TMEFF2: variants seen among roughly 807,000 people sequenced by gnomAD.
TMEFF2 encodes the protein tomoregulin-2.
A neutral mutation model predicts 53.8 loss-of-function variants in TMEFF2; 28 were observed. The ratio of observed to expected loss-of-function variants is 0.52; its 90% CI spans 0.39 to 0.71. The LOEUF is 0.71. TMEFF2 is among the 30% of genes least tolerant of loss of function. TMEFF2 has a pLI of 0.00. For missense variants in TMEFF2, 353 were observed against 455.2 expected (o/e 0.78, Z 2.04); for synonymous variants, 162 against 166.3 (o/e 0.97, Z 0.20).
intron 8 of TMEFF2, among the ~76,000 whole-genome samples, chr2:191,955,175 GAGAGAGAGA>G (rs1692034767): frequency 5.1e-4 from 1 of 1,944 alleles, no homozygotes; most frequent in African/African-American, 6.2e-4. Context: ...GAGAGAGAGG[GAGAGAGAGA>G]GAGAGAGAGA....
intron 4 of TMEFF2, among the ~76,000 whole-genome samples, chr2:192,089,348 T>C (rs188951554): frequency 9.9e-5 from 15 of 152,214 alleles, no homozygotes; most frequent in Admixed American, 2.0e-4. Flanking sequence ...TTAGTCTTTT[T>C]TTCCCCCCAA....
rs764937184 is a variant in TMEFF2 at position 192,194,330 on chromosome 2, G to C, written c.172+23C>G. ...TGTTCTTCTGCGGAGTTAAAGGGTC[G>C]GGGACGGGGGTTCTGGACTTACCAG... On this transcript the variant is annotated intron_variant, in intron 1 of 9. Transcript: ENST00000272771. The surrounding 1 kb of genome is among the most constrained non-coding windows in gnomAD (Gnocchi z 4.2). 6.2e-6 allele frequency: 10 copies of C among 1,612,268 alleles called. No individual in the cohort carries two copies. In the East Asian group the frequency reaches 2.2e-4, roughly 36 times the overall value.
Position 192,053,720 on chromosome 2 carries a change from G to A in TMEFF2, c.536+3959C>T, listed in dbSNP as rs111800308. Among the ~76,000 whole-genome samples the A allele has an allele frequency of 2.7e-3, 415 of 152,266 alleles. 1 individual carries two copies. Among genetic ancestry groups the A allele is most frequent in the African/African-American group, 9.4e-3 (392 of 41,542 alleles). ...CATCCAAAATCAATAGCGTATCAAC[G>A]CTCCCTTGATTTAGTGAAGGTTCTG... On this transcript the variant is annotated intron_variant, in intron 5 of 9. Coordinates refer to ENST00000272771, the MANE Select transcript of TMEFF2 (RefSeq NM_016192.4).
At chr2:192,000,942 A>G (rs754392757) in intron 5 of TMEFF2, among the ~76,000 whole-genome samples, 2 of 152,174 alleles carry the variant, frequency 1.3e-5, no homozygotes, top group Non-Finnish European at 2.9e-5. Context: ...CTACTGGAAC[A>G]TGACATTGCT....
chr2:192,110,766 G>A (rs1322386389), intron 4 of TMEFF2, among the ~76,000 whole-genome samples: 1 of 152,166 alleles, frequency 6.6e-6, no homozygotes, highest in Non-Finnish European at 1.5e-5. Flanking sequence ...TGGTTTGGCT[G>A]TGTCCCCACC....
At chr2:192,055,469 T>G (rs915000608) in intron 5 of TMEFF2, among the ~76,000 whole-genome samples, 2 of 152,060 alleles carry the variant, frequency 1.3e-5, no homozygotes, top group Non-Finnish European at 2.9e-5. Flanking sequence ...CCCTAGGATG[T>G]TTTTTAAAAA....
At chr2:192,035,071 T>C (rs1214514708) in intron 5 of TMEFF2, 2 of 152,216 alleles carry the variant, frequency 1.3e-5, no homozygotes, top group African/African-American at 4.8e-5. Context: ...CATCCTTTCT[T>C]ACTGGGCACT....
intron 2 of TMEFF2, among the ~76,000 whole-genome samples, chr2:192,185,555 A>C (rs1251113628): frequency 2.0e-5 from 3 of 152,096 alleles, no homozygotes; most frequent in African/African-American, 7.2e-5. Context: ...CATACAAAAT[A>C]AACCAATAAT....
At chr2:192,106,887 C>T (rs1019298524) in intron 4 of TMEFF2, among the ~76,000 whole-genome samples, 1 of 151,590 alleles carries the variant, frequency 6.6e-6, no homozygotes, top group Admixed American at 6.6e-5. Context: ...GAGAAGTTTA[C>T]TGGAAATGAT....
intron 7 of TMEFF2, among the ~76,000 whole-genome samples, chr2:191,989,447 GT>G (rs922999583): frequency 1.3e-5 from 2 of 152,120 alleles, no homozygotes; most frequent in African/African-American, 4.8e-5. Flanking sequence ...GCATCAGGCT[GT>G]TTTAGCTCGA....
intron 3 of TMEFF2, among the ~76,000 whole-genome samples, chr2:192,182,850 AT>A (rs1294342027): frequency 2.0e-5 from 3 of 151,658 alleles, no homozygotes; most frequent in Non-Finnish European, 4.4e-5. Flanking sequence ...ACTATTTCTC[AT>A]TTCTTTGGTA....
At chr2:192,164,978 C>CTGGTGTGTGTGTG (rs71405100) in intron 4 of TMEFF2, among the ~76,000 whole-genome samples, 8 of 145,112 alleles carry the variant, frequency 5.5e-5, no homozygotes, top group Non-Finnish European at 1.1e-4. Flanking sequence ...TGAATAAAAA[C>CTGGTGTGTGTGTG]TGTGTGTGTG....
At chr2:192,007,045 G>A (rs576752500) in intron 5 of TMEFF2, among the ~76,000 whole-genome samples, 24 of 152,204 alleles carry the variant, frequency 1.6e-4, no homozygotes, top group Non-Finnish European at 2.5e-4. Context: ...CTTTCTGTGG[G>A]AGAAGGTTTG....
At chr2:192,099,463 G>A (rs757644597) in intron 4 of TMEFF2, among the ~76,000 whole-genome samples, 2 of 152,082 alleles carry the variant, frequency 1.3e-5, no homozygotes, top group Non-Finnish European at 2.9e-5. Flanking sequence ...TTTGCATATA[G>A]ATTTCTTGTT....
intron 2 of TMEFF2, among the ~76,000 whole-genome samples, chr2:192,189,579 C>T (rs1217099668): frequency 5.1e-5 from 2 of 38,848 alleles, no homozygotes; most frequent in Non-Finnish European, 1.2e-4. Context: ...GGAATGCACG[C>T]TTGTACCTGA....
chr2:192,128,124 TA>T (rs2105973568), intron 4 of TMEFF2, among the ~76,000 whole-genome samples: 1 of 143,860 alleles, frequency 7.0e-6, no homozygotes, highest in African/African-American at 2.6e-5. Flanking sequence ...TCATTAAACT[TA>T]GGTCCAAATA....
chr2:192,083,355 T>C (rs1688597404), intron 4 of TMEFF2, among the ~76,000 whole-genome samples: 1 of 152,170 alleles, frequency 6.6e-6, no homozygotes, highest in African/African-American at 2.4e-5. Context: ...GGAACAATTC[T>C]ACTTGTCATA....
At chr2:192,000,622 C>G (rs1188235363) in intron 5 of TMEFF2, among the ~76,000 whole-genome samples, 1 of 152,166 alleles carries the variant, frequency 6.6e-6, no homozygotes, top group Non-Finnish European at 1.5e-5. Context: ...CTGGGAATCA[C>G]TGCTTGATCA....
At chr2:192,178,918 G>A (rs1477233335) in intron 4 of TMEFF2, 4 of 151,134 alleles carry the variant, frequency 2.6e-5, no homozygotes, top group Middle Eastern at 3.2e-3. Context: ...GTGTATAAAA[G>A]TCTAATTTTG....
Sources: allele counts gnomAD v4.1 joint callset (sites outside exome capture counted in the v4.1 genomes callset), GRCh38; gene constraint gnomAD v4.1.1; non-coding constraint Gnocchi (gnomAD v3.1); transcripts MANE v1.5; gene names NCBI Gene and HGNC (gene_info 2026-07-23, HGNC 2026-07-21).